The following PRPF8 variants were observed in gnomAD, a reference collection of about 807,000 sequenced individuals.
The protein encoded by PRPF8 is pre-mRNA-processing-splicing factor 8.
Under a neutral mutation model 285.9 loss-of-function variants are expected in PRPF8, and 64 were observed. That is an observed-to-expected ratio of 0.22 (90% confidence interval 0.18 to 0.28). The LOEUF (loss-of-function observed/expected upper bound fraction) is 0.28. Ranked by LOEUF, PRPF8 falls within the 10% of genes least tolerant of loss-of-function variation. The pLI, the probability that PRPF8 is intolerant of heterozygous loss-of-function variation, is 1.00. For missense variants in PRPF8, 1,426 were observed against 3,026.7 expected, an observed-to-expected ratio of 0.47 and a Z score of 12.41; for synonymous variants, 1,325 against 1,118.2, an observed-to-expected ratio of 1.18 and a Z score of -3.69.
Position 1,661,583 on chromosome 17 carries a change from G to C in PRPF8, c.4202+28C>G. The C allele has an allele frequency of 3.1e-6, 5 of 1,612,410 alleles. No individual in the cohort carries two copies. The highest frequency in any genetic ancestry group is 4.2e-6 in the Non-Finnish European group (5 of 1,179,964). On this transcript the variant is annotated intron_variant, in intron 26 of 42. Coordinates refer to ENST00000304992, the MANE Select transcript of PRPF8 (RefSeq NM_006445.4). The surrounding 1 kb of genome is among the most constrained non-coding windows in gnomAD (Gnocchi z 7.3). ...AAAGGCCACCACTGCCCCTGCCCCA[G>C]GGTTGGCATGCCCTCCTAGGTGCCC...
At chr17:1,678,719 C>T (rs1912745246) in intron 12 of PRPF8, 43 bp downstream of exon 12, 2 of 1,614,026 alleles carry the variant, frequency 1.2e-6, no homozygotes, top group Admixed American at 1.7e-5. Context: ...AGGCTTCCTC[C>T]AGCGTCCTCA....
chr17:1,664,364 A>T lies in PRPF8; in HGVS notation c.3775-2211T>A, dbSNP rs115352517. Reference sequence around the variant, plus strand: ...TAGAAGTATACAAAAAATATCACTAAGGATATAGAAGACTTAAGCAATGTA... The same window carrying T: ...TAGAAGTATACAAAAAATATCACTATGGATATAGAAGACTTAAGCAATGTA... On this transcript the variant is annotated intron_variant, in intron 24 of 42. Transcript: ENST00000304992. Among the ~76,000 whole-genome samples, 459 of 152,384 alleles carry T rather than the reference A, an allele frequency of 3.0e-3. 2 individuals are homozygous for T. Among genetic ancestry groups the T allele is most frequent in the African/African-American group, 8.2e-3 (343 of 41,590 alleles).
At chr17:1,666,450 C>G (rs572168716) in intron 24 of PRPF8, among the ~76,000 whole-genome samples, 1 of 151,298 alleles carries the variant, frequency 6.6e-6, no homozygotes, top group African/African-American at 2.4e-5. Context: ...ACTTGGGAGG[C>G]TAAGGTGGGA....
chr17:1,673,158 C>T lies in PRPF8; in HGVS notation c.3697G>A (p.Asp1233Asn). 1 of 1,614,202 alleles carries T rather than the reference C, an allele frequency of 6.2e-7. No homozygotes were observed. The highest frequency in any genetic ancestry group is 1.6e-4 in the Middle Eastern group (1 of 6,062). ...ERTAQCFLRV[D>N]DESMQRFHNR... The stretch of plus-strand genomic sequence containing the variant: ...TGGAAGCGCTGCATTGACTCATCGT[C>T]CACACGCAGGAAACACTGAGCTGTG... Residue 1233 changes from aspartate to asparagine, a missense_variant, in exon 24 of 43, where the codon GAC becomes AAC. Asp to Asn is a conservative substitution (Grantham distance 23). Coordinates refer to ENST00000304992, the MANE Select transcript of PRPF8 (RefSeq NM_006445.4). This position sits in a 1 kb window ranked among gnomAD's most constrained non-coding sequence, Gnocchi z 5.5.
chr17:1,653,509 C>A lies in PRPF8; in HGVS notation c.6369+33G>T, dbSNP rs199986730. On this transcript the variant is annotated intron_variant, in intron 39 of 42. Transcript: ENST00000304992. This position sits in a 1 kb window ranked among gnomAD's most constrained non-coding sequence, Gnocchi z 4.9. ...TTTTAGGCACAAAATGAGTTGGGCA[C>A]ACACTGTGGCCTAGCTGAGTCCACT... is the stretch of plus-strand genomic sequence containing the variant. 1.5e-4 allele frequency: 241 copies of A among 1,614,126 alleles called. No homozygotes were observed. The African/African-American group carries it at 2.7e-3, about 18-fold the overall frequency.
chr17:1,672,084 T>C (rs976544239), intron 24 of PRPF8, among the ~76,000 whole-genome samples: 3 of 152,056 alleles, frequency 2.0e-5, no homozygotes, highest in African/African-American at 7.3e-5. Flanking sequence ...CCCAAGCATT[T>C]TGGATAAAGG....
chr17:1,681,762 GACTCCTTCTGCATTTCCAGA>G, intron 5 of PRPF8, 38 bp downstream of exon 5: 7 of 1,609,536 alleles, frequency 4.3e-6, no homozygotes, highest in Non-Finnish European at 6.0e-6. Context: ...GATCTCCCAG[GACTCCTTCTGCATTTCCAGA>G]ACTCCTCCCA....
rs1555550982 is a variant in PRPF8 at position 1,658,549 on chromosome 17, C to T, written c.5353G>A (p.Val1785Ile). Residue 1785 changes from valine (V) to isoleucine (I), a missense_variant, in exon 33 of 43, where the codon GTC (valine) becomes ATC (isoleucine). Val to Ile is a conservative substitution (Grantham distance 29, BLOSUM62 3). Around this residue, in one of 34 missense-constraint regions of PRPF8, gnomAD observed 19 missense variants for 92.8 expected, o/e 0.20. Transcript: ENST00000304992. The surrounding 1 kb of genome is among the most constrained non-coding windows in gnomAD (Gnocchi z 4.1). ...QIIWFVDDTNVYRVTIHKTFE... is the reference protein window; with the variant it reads ...QIIWFVDDTNIYRVTIHKTFE... ...ACCTTGTGAATAGTCACTCTGTAGACGTTGGTGTCATCCACAAACCAGATA... is the reference window on the plus strand; with the variant it reads ...ACCTTGTGAATAGTCACTCTGTAGATGTTGGTGTCATCCACAAACCAGATA... The T allele has an allele frequency of 6.2e-7, 1 of 1,613,128 alleles. No homozygotes were observed. The highest frequency in any genetic ancestry group is 8.5e-7 in the Non-Finnish European group (1 of 1,179,096).
At chr17:1,674,106 T>C (rs371854876) in intron 21 of PRPF8, among the ~76,000 whole-genome samples, 21 of 152,254 alleles carry the variant, frequency 1.4e-4, no homozygotes, top group African/African-American at 5.1e-4. Context: ...CACTGCAAGC[T>C]CCGCCTCCCA....
chr17:1,651,323 C>A lies in PRPF8; in HGVS notation c.6651-13G>T. Reference sequence around the variant, plus strand: ...GCCTGGCGTGAAGCTGGGGGAGGAACGAGGACAGAGTAACAGCTCAGGCCA... The same window carrying A: ...GCCTGGCGTGAAGCTGGGGGAGGAAAGAGGACAGAGTAACAGCTCAGGCCA... On this transcript the variant is annotated splice_polypyrimidine_tract_variant and intron_variant, in intron 41 of 42. Coordinates refer to ENST00000304992, the MANE Select transcript of PRPF8 (RefSeq NM_006445.4). This position sits in a 1 kb window ranked among gnomAD's most constrained non-coding sequence, Gnocchi z 5.1. 1.2e-6 allele frequency: 2 copies of A among 1,614,032 alleles called. No homozygotes were observed. Among genetic ancestry groups the A allele is most frequent in the African/African-American group, 1.3e-5 (1 of 74,992 alleles).
intron 34 of PRPF8, among the ~76,000 whole-genome samples, chr17:1,657,060 C>CA (rs937980383): frequency 3.0e-4 from 46 of 152,030 alleles, no homozygotes; most frequent in African/African-American, 9.9e-4. Context: ...AAAAGCTGCA[C>CA]AAAAAAACGT....
rs571573436 is a variant in PRPF8, at chr17:1,684,454, T to A, written c.100+18A>T. 5.6e-6 allele frequency: 9 copies of A among 1,612,200 alleles called. No individual in the cohort carries two copies. The East Asian group carries it at 2.0e-4, about 36-fold the overall frequency. On this transcript the variant is annotated intron_variant, in intron 2 of 42. Coordinates refer to ENST00000304992, the MANE Select transcript of PRPF8 (RefSeq NM_006445.4). ...GCCCCGCCTCCGGCCCGCGCGCCGCTCCACACTCTCGCCTCACCTTTCTCC... is the reference window on the plus strand; with the variant it reads ...GCCCCGCCTCCGGCCCGCGCGCCGCACCACACTCTCGCCTCACCTTTCTCC...
At position 1,682,040 on chromosome 17, in the gene PRPF8, TG is replaced by T; in HGVS notation, c.435-3del. The T allele has an allele frequency of 6.2e-7, 1 of 1,613,978 alleles. No homozygotes were observed. On this transcript the variant is annotated splice_region_variant and splice_polypyrimidine_tract_variant and intron_variant, in intron 4 of 42. Coordinates refer to ENST00000304992, the MANE Select transcript of PRPF8 (RefSeq NM_006445.4). ...CGGCGCATCATAATCCACATTGACCTGGAAGGCAAGACATCACACAACCATT... is the reference window on the plus strand; with the variant it reads ...CGGCGCATCATAATCCACATTGACCTGAAGGCAAGACATCACACAACCATT...
chr17:1,655,920 C>T (rs909111257), intron 36 of PRPF8, among the ~76,000 whole-genome samples: 18 of 141,892 alleles, frequency 1.3e-4, no homozygotes, highest in Middle Eastern at 4.0e-3. Context: ...CCACTGCGCC[C>T]GGCCTTTTTT....
chr17:1,684,665 C>G, intron 1 of PRPF8, 83 bp from the exon 2 acceptor site: 2 of 1,282,880 alleles, frequency 1.6e-6, no homozygotes, highest in Non-Finnish European at 2.2e-6. Context: ...CCGGGGACCC[C>G]GGCCTGCAGT....
chr17:1,677,258 T>C (rs1597246340), intron 14 of PRPF8, 86 bp from the exon 15 acceptor site: 21 of 1,327,582 alleles, frequency 1.6e-5, no homozygotes, highest in Non-Finnish European at 1.8e-5. Flanking sequence ...TCACTCATTA[T>C]GGTTATTAAT....
intron 8 of PRPF8, 73 bp downstream of exon 8, chr17:1,680,653 G>A (rs367565443): frequency 3.8e-5 from 52 of 1,371,926 alleles, no homozygotes; most frequent in East Asian, 1.4e-4. Flanking sequence ...CCACCTGAGC[G>A]TTTAGTAACA....
chr17:1,652,436 G>A (rs1002437174), intron 39 of PRPF8, among the ~76,000 whole-genome samples: 1 of 152,094 alleles, frequency 6.6e-6, no homozygotes, highest in Non-Finnish European at 1.5e-5. Flanking sequence ...ACGGGGTTTC[G>A]CCACGTTGGC....
At chr17:1,668,537 T>C (rs947524338) in intron 24 of PRPF8, among the ~76,000 whole-genome samples, 2 of 151,910 alleles carry the variant, frequency 1.3e-5, no homozygotes, top group Non-Finnish European at 2.9e-5. Flanking sequence ...TAATTTTTTG[T>C]ATTTTTAGTA....
Sources: allele counts gnomAD v4.1 joint callset (sites outside exome capture counted in the v4.1 genomes callset), GRCh38; gene constraint gnomAD v4.1.1; regional missense constraint gnomAD v4.1.1; non-coding constraint Gnocchi (gnomAD v3.1); transcripts MANE v1.5; gene names NCBI Gene and HGNC (gene_info 2026-07-23, HGNC 2026-07-21).